Variants in DTNA observed in about 807,000 individuals in gnomAD.
DTNA encodes dystrophin-related protein 3.
Under a neutral mutation model 100.7 loss-of-function variants are expected in DTNA, and 43 were observed. The ratio of observed to expected loss-of-function variants is 0.43; its 90% CI spans 0.33 to 0.55. The LOEUF (loss-of-function observed/expected upper bound fraction) is 0.55, where lower values mean the gene tolerates loss of function less well. DTNA is among the 20% of genes least tolerant of loss of function. The pLI, the probability that DTNA is intolerant of heterozygous loss-of-function variation, is 0.04. For missense variants in DTNA, 798 were observed against 953.9 expected (o/e 0.84, Z 2.15); for synonymous variants, 349 against 347.9 (o/e 1.00, Z -0.04).
intron 4 of DTNA, among the ~76,000 whole-genome samples, chr18:34,798,949 A>C (rs1210615214): frequency 6.6e-6 from 1 of 152,208 alleles, no homozygotes; most frequent in Non-Finnish European, 1.5e-5. Context: ...GCTCAGCTCT[A>C]TTCATGCTTT....
intron 2 of DTNA, chr18:34,759,984 A>G (rs1470275443): frequency 6.6e-6 from 1 of 152,120 alleles, no homozygotes; most frequent in East Asian, 1.9e-4. Flanking sequence ...TGCCCGGCCT[A>G]AGTACTGTTG....
At chr18:34,725,401 A>G (rs1431439456) in intron 1 of DTNA, among the ~76,000 whole-genome samples, 1 of 113,352 alleles carries the variant, frequency 8.8e-6, no homozygotes, top group Non-Finnish European at 1.9e-5. Flanking sequence ...AATTTACAAG[A>G]AAAAAAAAAA....
chr18:34,799,497 A>G (rs1051890085), intron 4 of DTNA, among the ~76,000 whole-genome samples: 5 of 152,212 alleles, frequency 3.3e-5, no homozygotes, highest in African/African-American at 1.2e-4. Context: ...AGCAAAGAAG[A>G]AAAAAAGAGA....
chr18:34,663,122 G>T (rs1427946986), intron 1 of DTNA: 1 of 152,022 alleles, frequency 6.6e-6, no homozygotes, highest in Non-Finnish European at 1.5e-5. Context: ...TAAGTCTTGG[G>T]AGTGTAAATG....
chr18:34,627,246 AAAAC>A (rs1459877299), intron 1 of DTNA, among the ~76,000 whole-genome samples: 3 of 152,194 alleles, frequency 2.0e-5, no homozygotes, highest in African/African-American at 7.2e-5. Flanking sequence ...TTGGTTGGTC[AAAAC>A]AAACAAACAA....
At chr18:34,541,828 A>G (rs2044274348) in intron 1 of DTNA, among the ~76,000 whole-genome samples, 2 of 152,078 alleles carry the variant, frequency 1.3e-5, no homozygotes, top group African/African-American at 4.8e-5. Flanking sequence ...GAGAAAAGGG[A>G]TGGCATAGGA....
At chr18:34,535,542 G>T (rs1169714036) in intron 1 of DTNA, among the ~76,000 whole-genome samples, 1 of 152,020 alleles carries the variant, frequency 6.6e-6, no homozygotes, top group East Asian at 1.9e-4. Flanking sequence ...ATTGCTTTTG[G>T]TGTTTTAGTT....
intron 1 of DTNA, among the ~76,000 whole-genome samples, chr18:34,715,976 C>T (rs1350154989): frequency 2.6e-5 from 4 of 152,054 alleles, no homozygotes; most frequent in African/African-American, 7.2e-5. Flanking sequence ...GAGATAATGT[C>T]TGGTTTAGGA....
chr18:34,827,509 C>T (rs908723798), intron 9 of DTNA, 84 bp from the exon 10 acceptor site: 11 of 1,273,516 alleles, frequency 8.6e-6, no homozygotes, highest in South Asian at 2.4e-5. Flanking sequence ...CTTCCCATCC[C>T]GTTTCCTGGA....
chr18:34,801,948 C>T (rs1042695214), intron 4 of DTNA, among the ~76,000 whole-genome samples: 1 of 152,208 alleles, frequency 6.6e-6, no homozygotes, highest in Non-Finnish European at 1.5e-5. Flanking sequence ...TGATTGACCA[C>T]ATCACAGACT....
rs564630524 is a variant in DTNA at position 34,630,300 on chromosome 18, C to T, written c.-1-125676C>T. Among the ~76,000 whole-genome samples the T allele has an allele frequency of 3.3e-5, 5 of 152,290 alleles. No homozygotes were observed. In the South Asian group the frequency reaches 1.0e-3, roughly 32 times the overall value. ...ATTCCACTTCAGGCAGCCCACCGCC[C>T]AGCCACATCATAATATTGAATAACC... On this transcript the variant is annotated intron_variant, in intron 1 of 19. Transcript: ENST00000283365.
intron 1 of DTNA, among the ~76,000 whole-genome samples, chr18:34,581,100 T>A (rs943383303): frequency 6.6e-6 from 1 of 151,602 alleles, no homozygotes; most frequent in African/African-American, 2.4e-5. Flanking sequence ...AAAAAAAAAA[T>A]TAGCCGGGTG....
At chr18:34,836,903 C>T (rs557917245) in intron 11 of DTNA, among the ~76,000 whole-genome samples, 1 of 152,006 alleles carries the variant, frequency 6.6e-6, no homozygotes, top group Non-Finnish European at 1.5e-5. Context: ...CTATAATGTG[C>T]ATAGTTCTAA....
At chr18:34,639,559 C>A (rs1254344958) in intron 1 of DTNA, among the ~76,000 whole-genome samples, 1 of 152,122 alleles carries the variant, frequency 6.6e-6, no homozygotes, top group East Asian at 1.9e-4. Flanking sequence ...TTCTTCACAC[C>A]CCAAAGCACT....
intron 15 of DTNA, 118 bp downstream of exon 15, chr18:34,852,046 T>C (rs1218625182): frequency 1.0e-6 from 1 of 1,001,388 alleles, no homozygotes; most frequent in Non-Finnish European, 1.5e-6. Context: ...AGGGAAGACA[T>C]CTACACTCAG....
intron 3 of DTNA, among the ~76,000 whole-genome samples, chr18:34,776,479 C>T (rs1382075343): frequency 6.6e-6 from 1 of 152,126 alleles, no homozygotes; most frequent in Admixed American, 6.5e-5. Context: ...GTAGCTGGGA[C>T]TACAGGCACT....
intron 1 of DTNA, among the ~76,000 whole-genome samples, chr18:34,642,608 G>T (rs1332279113): frequency 6.6e-6 from 1 of 151,332 alleles, no homozygotes; most frequent in African/African-American, 2.4e-5. Context: ...TGCCAGGCTG[G>T]AATGCAGTGG....
At chr18:34,654,059 G>A (rs988248772) in intron 1 of DTNA, among the ~76,000 whole-genome samples, 4 of 152,202 alleles carry the variant, frequency 2.6e-5, no homozygotes, top group African/African-American at 9.7e-5. Flanking sequence ...GCTTGGGACA[G>A]GGATGACTCC....
intron 13 of DTNA, among the ~76,000 whole-genome samples, chr18:34,842,871 GGTTGGTTGGTTGGCTGACTGGTTA>G (rs937743537): frequency 6.6e-6 from 1 of 152,078 alleles, no homozygotes. Flanking sequence ...TTAGCTCATT[GGTTGGTTGGTTGGCTGACTGGTTA>G]GTTGGTTGGT....
Sources: gnomAD v4.1 joint callset for allele counts (sites outside exome capture counted in the v4.1 genomes callset) on GRCh38, gnomAD v4.1.1 for gene constraint, MANE v1.5 for transcripts, NCBI Gene and HGNC (gene_info 2026-07-23, HGNC 2026-07-21) for gene names.